Variants in FBN2 observed in about 807,000 individuals in gnomAD.
FBN2 encodes fibrillin 2.
A neutral mutation model predicts 355.6 loss-of-function variants in FBN2; 105 were observed. The observed-to-expected ratio is 0.30, with a 90% CI of 0.25 to 0.35. The LOEUF is 0.35. Ranked by LOEUF, FBN2 falls within the 10% of genes least tolerant of loss-of-function variation. The pLI is 1.00. For missense variants in FBN2, 3,280 were observed against 3,758.7 expected (o/e 0.87, Z 3.33); for synonymous variants, 1,350 against 1,301.2 (o/e 1.04, Z -0.81).
chr5:128,405,937 C>A (rs1054231278), intron 8 of FBN2, among the ~76,000 whole-genome samples: 1 of 152,206 alleles, frequency 6.6e-6, no homozygotes, highest in Non-Finnish European at 1.5e-5. Flanking sequence ...AGCACCCAGA[C>A]AACAGTGTTC....
chr5:128,508,630 G>A (rs1756028962), intron 5 of FBN2, among the ~76,000 whole-genome samples: 1 of 151,658 alleles, frequency 6.6e-6, no homozygotes, highest in Admixed American at 6.6e-5. Flanking sequence ...AAAATACTAA[G>A]GAAAAGTATT....
chr5:128,330,650 G>A lies in FBN2; in HGVS notation c.4268C>T (p.Ala1423Val). ...TGAGCCCGGGGTATTTACACACTGAGCATTGATGCTACACTGGTGGGTTCC... is the reference window on the plus strand; with the variant it reads ...TGAGCCCGGGGTATTTACACACTGAACATTGATGCTACACTGGTGGGTTCC... ...SNGTHQCSIN[A>V]QCVNTPGSYR... Residue 1423 changes from alanine (A) to valine (V), a missense_variant, in exon 33 of 65, where the codon GCT becomes GTT. By Grantham distance (64) the Ala-to-Val change is moderately conservative (BLOSUM62 0). Coordinates refer to ENST00000262464, the MANE Select transcript of FBN2 (RefSeq NM_001999.4). 1 of 1,613,720 alleles carries A rather than the reference G, an allele frequency of 6.2e-7. No homozygotes were observed. Among genetic ancestry groups the A allele is most frequent in the Non-Finnish European group, 8.5e-7 (1 of 1,179,656 alleles).
At chr5:128,456,056 C>A (rs12109592) in intron 6 of FBN2, among the ~76,000 whole-genome samples, 48 of 135,924 alleles carry the variant, frequency 3.5e-4, no homozygotes, top group African/African-American at 1.3e-3. Flanking sequence ...TCTCTGGGCA[C>A]GGGGAAGGGC....
intron 4 of FBN2, among the ~76,000 whole-genome samples, chr5:128,526,893 A>T (rs1313444290): frequency 6.6e-6 from 1 of 152,160 alleles, no homozygotes; most frequent in African/African-American, 2.4e-5. Context: ...TTTGTTATGT[A>T]TATTTTACAA....
intron 5 of FBN2, among the ~76,000 whole-genome samples, chr5:128,485,590 C>T (rs1005316675): frequency 1.3e-5 from 2 of 151,902 alleles, no homozygotes; most frequent in African/African-American, 2.4e-5. Flanking sequence ...CATTTATGTT[C>T]CTTAAAAATA....
Position 128,334,645 on chromosome 5 carries a change from G to A in FBN2, c.4099+74C>T, listed in dbSNP as rs1188872814. Reference sequence around the variant, plus strand: ...GGTAACCGCTCTAAGAGATGCCAGAGAACAAATGATGTTGAAAGTTGGCCT... The same window carrying A: ...GGTAACCGCTCTAAGAGATGCCAGAAAACAAATGATGTTGAAAGTTGGCCT... On this transcript the variant is annotated intron_variant, in intron 31 of 64. Coordinates refer to ENST00000262464, the MANE Select transcript of FBN2 (RefSeq NM_001999.4). The A allele has an allele frequency of 5.9e-6, 9 of 1,524,166 alleles. No individual in the cohort carries two copies. In the Admixed American group the frequency reaches 1.5e-4, roughly 25 times the overall value. The allele number at this position is 1,524,166 out of a possible 1,614,324, so 94.4% of individuals were successfully genotyped here.
chr5:128,328,544 G>T, intron 34 of FBN2, 152 bp downstream of exon 34: 1 of 838,236 alleles, frequency 1.2e-6, no homozygotes, highest in South Asian at 1.4e-5. Flanking sequence ...TTATTCATTC[G>T]GCAAAATAAT....
chr5:128,413,555 C>T (rs1008148868), intron 7 of FBN2, among the ~76,000 whole-genome samples: 1 of 152,112 alleles, frequency 6.6e-6, no homozygotes, highest in Non-Finnish European at 1.5e-5. Flanking sequence ...TTTCTGACTG[C>T]CAAACCACAT....
intron 31 of FBN2, 55 bp downstream of exon 31, chr5:128,334,664 T>C (rs1750788223): frequency 6.3e-7 from 1 of 1,599,468 alleles, no homozygotes; most frequent in African/African-American, 1.3e-5. Flanking sequence ...ATGTTGAAAG[T>C]TGGCCTTTGA....
chr5:128,319,790 C>A (rs540148441), intron 34 of FBN2, among the ~76,000 whole-genome samples: 17 of 152,286 alleles, frequency 1.1e-4, no homozygotes, highest in African/African-American at 4.1e-4. Flanking sequence ...TATCACTCCT[C>A]ACTCAGGTGA....
chr5:128,303,159 A>T lies in FBN2; in HGVS notation c.5801-70T>A, dbSNP rs55832515. 3.7e-4 allele frequency: 324 copies of T among 874,746 alleles called. 1 individual carries two copies. The East Asian group carries it at 6.2e-3, about 17-fold the overall frequency. The allele number at this position is 874,746 out of a possible 1,614,324, so 54.2% of individuals were successfully genotyped here. On this transcript the variant is annotated intron_variant, in intron 45 of 64. Coordinates refer to ENST00000262464, the MANE Select transcript of FBN2 (RefSeq NM_001999.4). ...AAAAATGGGCTATTAACCGTTTTATATGTTTAACTTATGGAATTACTTAGA... is the reference window on the plus strand; with the variant it reads ...AAAAATGGGCTATTAACCGTTTTATTTGTTTAACTTATGGAATTACTTAGA...
Position 128,378,755 on chromosome 5 carries a change from A to C in FBN2, c.1723+16T>G. The C allele has an allele frequency of 3.1e-6, 5 of 1,612,676 alleles. No homozygotes were observed. The highest frequency in any genetic ancestry group is 4.2e-6 in the Non-Finnish European group (5 of 1,179,112). ...TTTCATGGAACATTTTCATATGTGA[A>C]AGCAAACTGCCTTACCAATGCATGC... On this transcript the variant is annotated intron_variant, in intron 12 of 64. Coordinates refer to ENST00000262464, the MANE Select transcript of FBN2 (RefSeq NM_001999.4).
intron 15 of FBN2, chr5:128,371,051 T>A (rs1457760995): frequency 1.3e-5 from 2 of 151,982 alleles, no homozygotes; most frequent in Non-Finnish European, 1.5e-5. Context: ...ACACCTGAAA[T>A]ACTAAAAAAA....
At chr5:128,454,253 G>T (rs936523154) in intron 6 of FBN2, among the ~76,000 whole-genome samples, 2 of 152,142 alleles carry the variant, frequency 1.3e-5, no homozygotes, top group African/African-American at 4.8e-5. Context: ...ATGATGTGTT[G>T]TTCTCTATTA....
At chr5:128,318,779 G>A in intron 35 of FBN2, 100 bp downstream of exon 35, 1 of 1,234,046 alleles carries the variant, frequency 8.1e-7, no homozygotes. Flanking sequence ...GTAACCTAAT[G>A]CATAGATTAG....
chr5:128,387,862 T>C (rs1752408972), intron 11 of FBN2, among the ~76,000 whole-genome samples: 1 of 152,182 alleles, frequency 6.6e-6, no homozygotes, highest in Admixed American at 6.5e-5. Context: ...TTGAGTCCAT[T>C]TGGCCAAGTG....
intron 34 of FBN2, among the ~76,000 whole-genome samples, chr5:128,326,149 T>C (rs1223658030): frequency 6.6e-6 from 1 of 152,248 alleles, no homozygotes; most frequent in Non-Finnish European, 1.5e-5. Context: ...CTTTGTCTGC[T>C]CTTTCAAGAG....
At chr5:128,508,730 T>C (rs1476298670) in intron 5 of FBN2, among the ~76,000 whole-genome samples, 1 of 152,080 alleles carries the variant, frequency 6.6e-6, no homozygotes, top group Non-Finnish European at 1.5e-5. Flanking sequence ...GGCAATATTT[T>C]TCTTCAGCCT....
intron 5 of FBN2, among the ~76,000 whole-genome samples, chr5:128,499,930 A>G (rs186440615): frequency 2.6e-5 from 4 of 152,316 alleles, no homozygotes; most frequent in Non-Finnish European, 5.9e-5. Flanking sequence ...TTAAACCACG[A>G]CATTAAGTAT....
Sources: allele counts gnomAD v4.1 joint callset (sites outside exome capture counted in the v4.1 genomes callset), GRCh38; gene constraint gnomAD v4.1.1; transcripts MANE v1.5; gene names NCBI Gene and HGNC (gene_info 2026-07-23, HGNC 2026-07-21).